The following FBXW7 variants were observed in gnomAD, a reference collection of about 807,000 sequenced individuals.
FBXW7 encodes the protein F-box and WD repeat domain containing 7, also known as F-box/WD repeat-containing protein 7.
Under a neutral mutation model 86.3 loss-of-function variants are expected in FBXW7, and 11 were observed. That is an observed-to-expected ratio of 0.13 (90% CI 0.08 to 0.21). The LOEUF (loss-of-function observed/expected upper bound fraction) is 0.21, where lower values mean the gene tolerates loss of function less well. FBXW7 is among the 10% of genes least tolerant of loss of function. The pLI, the probability that FBXW7 is intolerant of heterozygous loss-of-function variation, is 1.00. For synonymous variants in FBXW7, 313 were observed against 297.9 expected (o/e 1.05, Z -0.52); for missense variants, 488 against 847.4 (o/e 0.58, Z 5.27).
chr4:152,333,308 C>T (rs1481646954), intron 7 of FBXW7, among the ~76,000 whole-genome samples: 1 of 152,030 alleles, frequency 6.6e-6, no homozygotes, highest in African/African-American at 2.4e-5. Context: ...TAATTGAGTT[C>T]TGATTACCTT....
At chr4:152,357,534 T>G (rs986402198) in intron 4 of FBXW7, among the ~76,000 whole-genome samples, 2 of 151,980 alleles carry the variant, frequency 1.3e-5, no homozygotes, top group East Asian at 3.9e-4. Flanking sequence ...TTGGCCAGGC[T>G]AGTCTCGAAC....
At chr4:152,473,982 G>C (rs983789794) in intron 2 of FBXW7, among the ~76,000 whole-genome samples, 5 of 152,060 alleles carry the variant, frequency 3.3e-5, no homozygotes, top group Admixed American at 3.3e-4. Flanking sequence ...CTCCCCAGGG[G>C]TCACATATCT....
intron 2 of FBXW7, among the ~76,000 whole-genome samples, chr4:152,526,722 G>A (rs529827760): frequency 5.9e-4 from 89 of 152,126 alleles, no homozygotes; most frequent in African/African-American, 2.1e-3. Context: ...TTTCTAAATG[G>A]GCAATTTAAA....
chr4:152,391,847 C>G (rs1736022887), intron 4 of FBXW7, among the ~76,000 whole-genome samples: 1 of 152,114 alleles, frequency 6.6e-6, no homozygotes, highest in Admixed American at 6.6e-5. Flanking sequence ...TAAACCTGTG[C>G]TTTGTAACAG....
At chr4:152,503,806 T>A (rs1243199049) in intron 2 of FBXW7, among the ~76,000 whole-genome samples, 5 of 152,236 alleles carry the variant, frequency 3.3e-5, no homozygotes, top group African/African-American at 1.2e-4. Flanking sequence ...CTCCTATTCC[T>A]TTATTCCACT....
chr4:152,410,220 C>A (rs1249981758), intron 4 of FBXW7, among the ~76,000 whole-genome samples: 1 of 152,034 alleles, frequency 6.6e-6, no homozygotes. Context: ...TCTAACTGAA[C>A]CCTCAGGAAA....
At chr4:152,380,940 C>A (rs79122241) in intron 4 of FBXW7, among the ~76,000 whole-genome samples, 2,519 of 151,984 alleles carry the variant, frequency 0.017, 46 homozygotes, top group Non-Finnish European at 0.026. Flanking sequence ...AGAGCAGTGA[C>A]CTCATTCAGA....
intron 2 of FBXW7, among the ~76,000 whole-genome samples, chr4:152,445,579 G>C (rs1197280669): frequency 6.6e-6 from 1 of 152,052 alleles, no homozygotes; most frequent in Non-Finnish European, 1.5e-5. Flanking sequence ...ATAATCATTA[G>C]AGTCTTTCTC....
intron 2 of FBXW7, among the ~76,000 whole-genome samples, chr4:152,503,189 C>T (rs987903171): frequency 2.6e-5 from 4 of 152,124 alleles, no homozygotes; most frequent in African/African-American, 4.8e-5. Flanking sequence ...TCTAATAATA[C>T]GAAAAATCAA....
intron 12 of FBXW7, 150 bp downstream of exon 12, chr4:152,325,856 A>C: frequency 1.8e-6 from 1 of 562,208 alleles, no homozygotes; most frequent in Middle Eastern, 4.2e-4. Context: ...CACTTTCTTC[A>C]TGCCAATTTT....
chr4:152,357,137 A>G (rs1732459676), intron 4 of FBXW7, among the ~76,000 whole-genome samples: 1 of 152,192 alleles, frequency 6.6e-6, no homozygotes, highest in African/African-American at 2.4e-5. Flanking sequence ...CTAGTGCCTT[A>G]GAAAAAAATC....
intron 6 of FBXW7, among the ~76,000 whole-genome samples, chr4:152,342,636 G>A (rs1322395498): frequency 1.3e-5 from 2 of 152,154 alleles, no homozygotes; most frequent in East Asian, 3.8e-4. Context: ...CACTTCTCTA[G>A]CACCTCTAGC....
chr4:152,463,752 G>A (rs945028214), intron 2 of FBXW7, among the ~76,000 whole-genome samples: 2 of 152,144 alleles, frequency 1.3e-5, no homozygotes, highest in East Asian at 1.9e-4. Context: ...GTATTTCTGA[G>A]TCATCAAATT....
intron 2 of FBXW7, among the ~76,000 whole-genome samples, chr4:152,413,593 T>C (rs1343596336): frequency 1.3e-5 from 2 of 152,122 alleles, no homozygotes; most frequent in Non-Finnish European, 2.9e-5. Flanking sequence ...AGTAACTACA[T>C]AAAATCCTGA....
chr4:152,382,571 G>C lies in FBXW7; in HGVS notation c.501+28732C>G, dbSNP rs1405410041. On this transcript the variant is annotated intron_variant, in intron 4 of 13. Coordinates refer to ENST00000281708, the MANE Select transcript of FBXW7 (RefSeq NM_001349798.2). ...GCCAGGAATTATAAACTACTGAAGTGAAAGCTCCTGCTCCTGCCAGTCAAA... is the reference window on the plus strand; with the variant it reads ...GCCAGGAATTATAAACTACTGAAGTCAAAGCTCCTGCTCCTGCCAGTCAAA... 3 of 918,576 alleles carry C rather than the reference G, an allele frequency of 3.3e-6. No homozygotes were observed. The African/African-American group carries it at 5.2e-5, about 16-fold the overall frequency. 56.9% of individuals were successfully genotyped at this position (918,576 alleles called of 1,614,324 possible).
At chr4:152,345,459 T>A (rs1012868940) in intron 6 of FBXW7, among the ~76,000 whole-genome samples, 1 of 152,166 alleles carries the variant, frequency 6.6e-6, no homozygotes, top group Non-Finnish European at 1.5e-5. Flanking sequence ...CCAGATTCTT[T>A]AGTACCATTG....
intron 2 of FBXW7, among the ~76,000 whole-genome samples, chr4:152,421,371 T>C (rs1194320527): frequency 6.6e-6 from 1 of 152,202 alleles, no homozygotes; most frequent in African/African-American, 2.4e-5. Context: ...TTATAATTCA[T>C]GTGTTCACCA....
chr4:152,532,652 A>G (rs538229139), intron 2 of FBXW7, among the ~76,000 whole-genome samples: 1 of 152,204 alleles, frequency 6.6e-6, no homozygotes, highest in African/African-American at 2.4e-5. Flanking sequence ...AATTAGTTCT[A>G]TATGTACACG....
chr4:152,414,978 A>AG (rs1039625334), intron 2 of FBXW7, among the ~76,000 whole-genome samples: 1 of 151,944 alleles, frequency 6.6e-6, no homozygotes, highest in African/African-American at 2.4e-5. Flanking sequence ...ACCTTGGGGG[A>AG]GGGGGGTGTA....
Sources: allele counts gnomAD v4.1 joint callset (sites outside exome capture counted in the v4.1 genomes callset), GRCh38; gene constraint gnomAD v4.1.1; transcripts MANE v1.5; gene names NCBI Gene and HGNC (gene_info 2026-07-23, HGNC 2026-07-21).